TPRG1: variants seen among roughly 807,000 people sequenced by gnomAD.
The protein encoded by TPRG1 is tumor protein p63-regulated gene 1 protein.
A neutral mutation model predicts 29.3 loss-of-function variants in TPRG1; 29 were observed. That is an observed-to-expected ratio of 0.99 (90% CI 0.74 to 1.35). The LOEUF is 1.35. Among genes scored for constraint, TPRG1 ranks in the 40% most tolerant of loss-of-function variants. The pLI, the probability that TPRG1 is intolerant of heterozygous loss-of-function variation, is 0.00. For missense variants in TPRG1, 327 were observed against 335.0 expected (o/e 0.98, Z 0.19); for synonymous variants, 130 against 116.8 (o/e 1.11, Z -0.73).
intron 4 of TPRG1, among the ~76,000 whole-genome samples, chr3:189,148,332 G>A (rs910659856): frequency 6.6e-6 from 1 of 152,144 alleles, no homozygotes; most frequent in African/African-American, 2.4e-5. Flanking sequence ...GCTGCAAAGG[G>A]CTCACAGTCT....
intron 4 of TPRG1, among the ~76,000 whole-genome samples, chr3:189,148,140 T>TG (rs1725489210): frequency 6.6e-6 from 1 of 152,172 alleles, no homozygotes; most frequent in Non-Finnish European, 1.5e-5. Flanking sequence ...AAAGGCAAGT[T>TG]GCTATAAAAC....
At chr3:189,029,404 A>G (rs777418114) in intron 4 of TPRG1, among the ~76,000 whole-genome samples, 16 of 152,190 alleles carry the variant, frequency 1.1e-4, no homozygotes, top group Non-Finnish European at 2.2e-4. Context: ...ATCAATAGAG[A>G]TGAATAGGGC....
intron 3 of TPRG1, among the ~76,000 whole-genome samples, chr3:189,139,756 A>T (rs1724289403): frequency 6.6e-6 from 1 of 151,492 alleles, no homozygotes; most frequent in Admixed American, 6.6e-5. Context: ...GTGTGCAGTG[A>T]ACTGAGCTGT....
chr3:189,006,556 A>T (rs147916049), intron 3 of TPRG1, among the ~76,000 whole-genome samples: 1 of 152,118 alleles, frequency 6.6e-6, no homozygotes, highest in Non-Finnish European at 1.5e-5. Flanking sequence ...TCTGACAACT[A>T]TAATGGAGTT....
chr3:189,036,907 TAAA>T (rs1022661218), intron 4 of TPRG1, among the ~76,000 whole-genome samples: 1 of 150,506 alleles, frequency 6.6e-6, no homozygotes, highest in South Asian at 2.1e-4. Context: ...GAAGAAGAAA[TAAA>T]AAATTTGAAA....
chr3:189,218,289 T>G (rs779964183), intron 3 of TPRG1, among the ~76,000 whole-genome samples: 6 of 151,186 alleles, frequency 4.0e-5, no homozygotes, highest in Non-Finnish European at 8.9e-5. Flanking sequence ...AATTTTTTGT[T>G]TTTTTTTTAG....
At position 189,287,384 on chromosome 3, in the gene TPRG1, GTTTC is replaced by G. The variant is rs1404306203; in HGVS notation, c.480-22986_480-22983del. Among the ~76,000 whole-genome samples, 167 of 150,646 alleles carry G rather than the reference GTTTC, an allele frequency of 1.1e-3. 4 individuals carry two copies. Among genetic ancestry groups the G allele is most frequent in the Middle Eastern group, 7.0e-3 (2 of 286 alleles). ...AAAAAAGGTTGCACACACAGTACCT[GTTTC>G]TTTCTTTCTTTCTTTTTTTTTTTTT... On this transcript the variant is annotated intron_variant, in intron 4 of 5. Transcript: ENST00000345063.
intron 4 of TPRG1, among the ~76,000 whole-genome samples, chr3:189,303,053 C>T (rs1462386425): frequency 6.6e-6 from 1 of 151,950 alleles, no homozygotes; most frequent in Non-Finnish European, 1.5e-5. Context: ...CAACAGCTGG[C>T]TTTCATAAAG....
chr3:189,100,504 A>T (rs1719063723), intron 1 of TPRG1, among the ~76,000 whole-genome samples: 1 of 152,172 alleles, frequency 6.6e-6, no homozygotes, highest in African/African-American at 2.4e-5. Context: ...TATGTCTCTA[A>T]CTGTCACATA....
At chr3:189,133,850 G>C (rs528170890) in intron 3 of TPRG1, among the ~76,000 whole-genome samples, 28 of 152,244 alleles carry the variant, frequency 1.8e-4, no homozygotes, top group Admixed American at 1.6e-3. Flanking sequence ...ATAAATAAAA[G>C]TATTCACCAT....
intron 3 of TPRG1, among the ~76,000 whole-genome samples, chr3:189,229,914 A>G (rs1286631187): frequency 1.3e-5 from 2 of 152,226 alleles, no homozygotes; most frequent in Admixed American, 6.5e-5. Context: ...GCTTAAAATA[A>G]TAAAACAATG....
chr3:189,118,826 G>A (rs1721489905), intron 1 of TPRG1, among the ~76,000 whole-genome samples: 3 of 152,228 alleles, frequency 2.0e-5, no homozygotes. Context: ...GGATGTCTAG[G>A]CAGAAGTCTG....
chr3:189,176,273 A>G (rs1047944250), intron 1 of TPRG1, among the ~76,000 whole-genome samples: 1 of 152,232 alleles, frequency 6.6e-6, no homozygotes, highest in Non-Finnish European at 1.5e-5. Context: ...TGTGACACAG[A>G]GTAAAATGAG....
At chr3:189,013,367 T>C (rs1712707149) in intron 3 of TPRG1, among the ~76,000 whole-genome samples, 1 of 152,190 alleles carries the variant, frequency 6.6e-6, no homozygotes, top group Non-Finnish European at 1.5e-5. Context: ...AATTTGATTG[T>C]GCTGTGGTCC....
intron 3 of TPRG1, among the ~76,000 whole-genome samples, chr3:189,226,365 T>C (rs1737719999): frequency 6.6e-6 from 1 of 151,414 alleles, no homozygotes; most frequent in African/African-American, 2.4e-5. Context: ...AAATAAATAA[T>C]AAAAAAAATA....
At chr3:189,157,717 C>T (rs1165286579) in intron 5 of TPRG1, among the ~76,000 whole-genome samples, 1 of 152,188 alleles carries the variant, frequency 6.6e-6, no homozygotes, top group African/African-American at 2.4e-5. Context: ...GAACACCATG[C>T]TGTTGCCTCC....
intron 4 of TPRG1, among the ~76,000 whole-genome samples, chr3:189,048,248 A>G (rs775184143): frequency 4.6e-5 from 7 of 152,360 alleles, no homozygotes; most frequent in Non-Finnish European, 8.8e-5. Flanking sequence ...TTGGATGCCT[A>G]AGTGCATTGT....
chr3:189,011,904 G>A (rs1712621000), intron 3 of TPRG1, among the ~76,000 whole-genome samples: 1 of 152,120 alleles, frequency 6.6e-6, no homozygotes, highest in South Asian at 2.1e-4. Context: ...ATTGTGAATG[G>A]GAGTTCATTT....
At chr3:189,011,247 T>TC (rs1334074266) in intron 3 of TPRG1, among the ~76,000 whole-genome samples, 1 of 152,184 alleles carries the variant, frequency 6.6e-6, no homozygotes, top group East Asian at 1.9e-4. Flanking sequence ...TCTAATCGGC[T>TC]CTTTTTTTGT....
Sources: gnomAD v4.1 joint callset for allele counts (sites outside exome capture counted in the v4.1 genomes callset) on GRCh38, gnomAD v4.1.1 for gene constraint, MANE v1.5 for transcripts, NCBI Gene and HGNC (gene_info 2026-07-23, HGNC 2026-07-21) for gene names.